Variants in XRCC1 observed in about 807,000 individuals in gnomAD.
XRCC1 encodes X-ray repair cross complementing 1.
Under a neutral mutation model 83.3 loss-of-function variants are expected in XRCC1, and 52 were observed. The ratio of observed to expected loss-of-function variants is 0.62; its 90% confidence interval spans 0.50 to 0.79. The LOEUF (loss-of-function observed/expected upper bound fraction) is 0.79, where lower values mean the gene tolerates loss of function less well. Ranked by LOEUF, XRCC1 falls within the 30% of genes least tolerant of loss-of-function variation. The pLI, the probability that XRCC1 is intolerant of heterozygous loss-of-function variation, is 0.00. For missense variants in XRCC1, 793 were observed against 823.5 expected (o/e 0.96, Z 0.45); for synonymous variants, 281 against 312.6 (o/e 0.90, Z 1.07).
chr19:43,568,799 G>C (rs1972779356), intron 2 of XRCC1, among the ~76,000 whole-genome samples: 1 of 135,840 alleles, frequency 7.4e-6, no homozygotes, highest in African/African-American at 2.7e-5. Context: ...GGGATGGAAA[G>C]GGTGAGGGGA....
At chr19:43,563,875 G>A (rs1390224235) in intron 2 of XRCC1, among the ~76,000 whole-genome samples, 3 of 152,098 alleles carry the variant, frequency 2.0e-5, no homozygotes, top group Non-Finnish European at 2.9e-5. Context: ...TCTAGCATCT[G>A]TCTCTCCCGC....
At chr19:43,547,431 C>T (rs1006686564) in intron 10 of XRCC1, among the ~76,000 whole-genome samples, 15 of 151,698 alleles carry the variant, frequency 9.9e-5, no homozygotes, top group African/African-American at 3.6e-4. Flanking sequence ...TGCTCTGCCC[C>T]CGTCAGCCTC....
intron 2 of XRCC1, among the ~76,000 whole-genome samples, chr19:43,569,715 GA>G (rs1443810576): frequency 2.6e-5 from 4 of 152,006 alleles, no homozygotes; most frequent in African/African-American, 9.7e-5. Context: ...CTGGGAGGCG[GA>G]GGTTGCAGTG....
chr19:43,543,321 C>G lies in XRCC1; in HGVS notation c.*71G>C. 2 of 1,445,450 alleles carry G rather than the reference C, an allele frequency of 1.4e-6. No homozygotes were observed. The highest frequency in any genetic ancestry group is 2.3e-5 in the East Asian group (1 of 43,694). The allele number at this position is 1,445,450 out of a possible 1,614,324, so 89.5% of individuals were successfully genotyped here. On this transcript the variant is annotated 3_prime_UTR_variant, in exon 17 of 17. Coordinates refer to ENST00000262887, the MANE Select transcript of XRCC1 (RefSeq NM_006297.3). ...TGGGAGACTCTTGGATGAGAACCAA[C>G]TCATCTTTATTAAATGCATCGTGTG...
intron 5 of XRCC1, 23 bp from the exon 6 acceptor site, chr19:43,553,535 T>C: frequency 6.2e-7 from 1 of 1,613,664 alleles, no homozygotes; most frequent in Non-Finnish European, 8.5e-7. Flanking sequence ...AAGGTCAGTA[T>C]TATAGGTGGG....
chr19:43,560,847 A>C (rs2146061119), intron 3 of XRCC1, 63 bp downstream of exon 3: 2 of 1,366,254 alleles, frequency 1.5e-6, no homozygotes, highest in Non-Finnish European at 1.0e-6. Flanking sequence ...CCCCTGGGGG[A>C]GACGGTGATG....
At chr19:43,565,870 T>G (rs954683746) in intron 2 of XRCC1, among the ~76,000 whole-genome samples, 2 of 148,448 alleles carry the variant, frequency 1.3e-5, no homozygotes, top group Non-Finnish European at 3.0e-5. Flanking sequence ...ACCTGGGAGG[T>G]GGAGGTTGCA....
At chr19:43,543,780 T>C in intron 15 of XRCC1, 93 bp from the exon 16 acceptor site, 1 of 1,183,738 alleles carries the variant, frequency 8.4e-7, no homozygotes, top group Non-Finnish European at 1.2e-6. Flanking sequence ...GTCCCCACAC[T>C]GTCCCCACCT....
At chr19:43,554,285 G>T (rs1248890638) in intron 4 of XRCC1, among the ~76,000 whole-genome samples, 1 of 152,124 alleles carries the variant, frequency 6.6e-6, no homozygotes, top group East Asian at 1.9e-4. Context: ...ACTTGCCCAA[G>T]ATCACACAGC....
rs745640310 is a variant in XRCC1, at chr19:43,545,941, C to T, written c.1498G>A (p.Glu500Lys). 6 of 1,613,784 alleles carry T rather than the reference C, an allele frequency of 3.7e-6. No homozygotes were observed. The African/African-American group carries it at 8.0e-5, about 22-fold the overall frequency. The change falls in exon 14 of 17, where the codon GAA (glutamate) becomes AAA (lysine). Residue 500 changes from glutamate (E) to lysine (K), a missense_variant. Coordinates refer to ENST00000262887, the MANE Select transcript of XRCC1 (RefSeq NM_006297.3). Reference sequence around the variant, plus strand: ...TCCTGGCCAGGGGGCAGTCTGTGTTCCTTCTGCTCTGCCACCCTGGGGGTG... The same window carrying T: ...TCCTGGCCAGGGGGCAGTCTGTGTTTCTTCTGCTCTGCCACCCTGGGGGTG... ...DELRRVAEQKEHRLPPGQEEN... is the reference protein window; with the variant it reads ...DELRRVAEQKKHRLPPGQEEN...
At chr19:43,548,394 G>C (rs1257233232) in intron 10 of XRCC1, among the ~76,000 whole-genome samples, 3 of 152,252 alleles carry the variant, frequency 2.0e-5, no homozygotes, top group Non-Finnish European at 4.4e-5. Context: ...GTAGAAAGAA[G>C]TAGACATGGG....
chr19:43,555,465 C>A (rs1435479495), intron 3 of XRCC1: 2 of 152,254 alleles, frequency 1.3e-5, no homozygotes, highest in African/African-American at 4.8e-5. Context: ...TAAGCTTCTG[C>A]TGCTGCAGTG....
chr19:43,575,301 C>G, intron 1 of XRCC1, 107 bp downstream of exon 1: 1 of 1,242,310 alleles, frequency 8.0e-7, no homozygotes, highest in Non-Finnish European at 1.1e-6. Context: ...CCTGGAAATC[C>G]CCCCATGACT....
chr19:43,548,644 G>T (rs1274339091), intron 10 of XRCC1, among the ~76,000 whole-genome samples: 1 of 152,022 alleles, frequency 6.6e-6, no homozygotes, highest in South Asian at 2.1e-4. Context: ...GCGGAAGGCC[G>T]CAGGGTCCTC....
At chr19:43,551,470 C>G in intron 10 of XRCC1, 101 bp downstream of exon 10, 1 of 1,040,214 alleles carries the variant, frequency 9.6e-7, no homozygotes, top group South Asian at 1.4e-5. Context: ...GGGCTGGGAC[C>G]ACCTGTGTTC....
chr19:43,570,601 T>C (rs1972797916), intron 2 of XRCC1, among the ~76,000 whole-genome samples: 1 of 151,986 alleles, frequency 6.6e-6, no homozygotes, highest in East Asian at 1.9e-4. Context: ...CTGGGCAACA[T>C]AGTGAGACCC....
Position 43,575,017 on chromosome 19 carries a change from G to A in XRCC1, c.52-15C>T. On this transcript the variant is annotated splice_polypyrimidine_tract_variant and intron_variant, in intron 1 of 16. Transcript: ENST00000262887. ...GCACAGTGAGTCTGGAAACAACAGT[G>A]GGAGAGGAGAATTAGGGCACAGAGA... 1 of 1,604,710 alleles carries A rather than the reference G, an allele frequency of 6.2e-7. No individual in the cohort carries two copies. Among genetic ancestry groups the A allele is most frequent in the South Asian group, 1.1e-5 (1 of 90,888 alleles).
At chr19:43,547,121 G>A in intron 10 of XRCC1, 144 bp from the exon 11 acceptor site, 1 of 811,838 alleles carries the variant, frequency 1.2e-6, no homozygotes, top group Non-Finnish European at 1.9e-6. Context: ...TCCCAGCTCA[G>A]GAAGGCCCCA....
intron 14 of XRCC1, among the ~76,000 whole-genome samples, chr19:43,544,581 A>C (rs971405177): frequency 1.3e-5 from 2 of 150,862 alleles, no homozygotes; most frequent in African/African-American, 4.9e-5. Context: ...ATCTTGCCTC[A>C]CTGCAACCTC....
Sources: allele counts gnomAD v4.1 joint callset (sites outside exome capture counted in the v4.1 genomes callset), GRCh38; gene constraint gnomAD v4.1.1; transcripts MANE v1.5; gene names NCBI Gene and HGNC (gene_info 2026-07-23, HGNC 2026-07-21).